Variants in RBPMS observed in about 807,000 individuals in gnomAD.
RBPMS encodes the protein RNA-binding protein with multiple splicing.
Under a neutral mutation model 26.8 loss-of-function variants are expected in RBPMS, and 7 were observed. The observed-to-expected ratio is 0.26, with a 90% confidence interval of 0.15 to 0.49. The LOEUF (loss-of-function observed/expected upper bound fraction) is 0.49. RBPMS is among the 20% of genes least tolerant of loss of function. The pLI, the probability that RBPMS is intolerant of heterozygous loss-of-function variation, is 0.98. For synonymous variants in RBPMS, 96 were observed against 93.3 expected, an observed-to-expected ratio of 1.03 and a Z score of -0.17; for missense variants, 186 against 250.0, an observed-to-expected ratio of 0.74 and a Z score of 1.73.
intron 1 of RBPMS, among the ~76,000 whole-genome samples, chr8:30,387,735 C>T (rs1483296642): frequency 1.3e-5 from 2 of 152,302 alleles, no homozygotes; most frequent in Non-Finnish European, 2.9e-5. Context: ...TGGGCTTTCT[C>T]CACATTGTAG....
chr8:30,473,819 T>C (rs1817397702), intron 1 of RBPMS, among the ~76,000 whole-genome samples: 1 of 152,102 alleles, frequency 6.6e-6, no homozygotes, highest in African/African-American at 2.4e-5. Flanking sequence ...CTATAAGTCA[T>C]CCTCAGCAAA....
intron 6 of RBPMS, among the ~76,000 whole-genome samples, chr8:30,554,418 AAGTCAAAC>A (rs1826663090): frequency 6.6e-6 from 1 of 152,228 alleles, no homozygotes; most frequent in Admixed American, 6.5e-5. Context: ...GGTCTAGATC[AAGTCAAAC>A]AGGTTTCTTT....
In RBPMS at chr8:30,446,037, A is replaced by C. The variant is rs979805189; in HGVS notation, c.67-28742A>C. On this transcript the variant is annotated intron_variant, in intron 1 of 8. Coordinates refer to ENST00000397323, the MANE Select transcript of RBPMS (RefSeq NM_001008710.3). ...ATCAGTGAAGACACCAATATGGTAC[A>C]TGAAAAACAACTTGGAGCATTAAAT... Among the ~76,000 whole-genome samples the C allele has an allele frequency of 2.6e-5, 4 of 152,236 alleles. No homozygotes were observed. The East Asian group carries it at 7.7e-4, about 29-fold the overall frequency.
intron 5 of RBPMS, among the ~76,000 whole-genome samples, chr8:30,512,365 T>A (rs541593647): frequency 6.6e-6 from 1 of 152,300 alleles, no homozygotes; most frequent in South Asian, 2.1e-4. Context: ...TTGGATTTAG[T>A]TTAGATAAAA....
Position 30,571,516 on chromosome 8 carries a change from G to C in RBPMS, c.*991G>C, listed in dbSNP as rs1355269024. The C allele has an allele frequency of 6.6e-6, 1 of 152,272 alleles. No individual in the cohort carries two copies. The highest frequency in any genetic ancestry group is 1.5e-5 in the Non-Finnish European group (1 of 68,076). The allele number at this position is 152,272 out of a possible 1,614,324, so 9.4% of individuals were successfully genotyped here. On this transcript the variant is annotated 3_prime_UTR_variant, in exon 9 of 9. Transcript: ENST00000397323. ...CCCTTGAAGGGGTTGGCTGTGCCCA[G>C]CCCACCTGGCTGCAGTGGGCAGCTC...
chr8:30,567,856 C>T (rs564260147), intron 8 of RBPMS, among the ~76,000 whole-genome samples: 1 of 152,168 alleles, frequency 6.6e-6, no homozygotes, highest in Non-Finnish European at 1.5e-5. Flanking sequence ...GTTCTCAGCA[C>T]CAGTGTGTTA....
chr8:30,446,841 G>GTGTGTA (rs1813882944), intron 1 of RBPMS: 1 of 63,956 alleles, frequency 1.6e-5, no homozygotes, highest in Non-Finnish European at 3.0e-5. Context: ...GTGTGTGTGT[G>GTGTGTA]TGCGCGCGCG....
chr8:30,417,048 G>C (rs1472003382), intron 1 of RBPMS, among the ~76,000 whole-genome samples: 2 of 152,244 alleles, frequency 1.3e-5, no homozygotes, highest in Non-Finnish European at 2.9e-5. Flanking sequence ...TGGGATTACA[G>C]GTGTGAACCA....
intron 1 of RBPMS, among the ~76,000 whole-genome samples, chr8:30,414,188 G>A (rs10110359): frequency 0.016 from 2,398 of 150,714 alleles, 60 homozygotes; most frequent in African/African-American, 0.055. Context: ...CTCAGTGGCT[G>A]TCGCCATTTT....
At chr8:30,472,801 C>T (rs1045857769) in intron 1 of RBPMS, among the ~76,000 whole-genome samples, 2 of 152,230 alleles carry the variant, frequency 1.3e-5, no homozygotes, top group East Asian at 1.9e-4. Context: ...AAAAGCCAGG[C>T]GAGGTGGCTC....
intron 1 of RBPMS, among the ~76,000 whole-genome samples, chr8:30,460,456 C>A (rs1285649488): frequency 7.2e-5 from 11 of 152,154 alleles, no homozygotes; most frequent in Admixed American, 7.2e-4. Context: ...GTAGAGAGCT[C>A]ACCAAAGCCC....
chr8:30,434,699 G>C (rs567464748), intron 1 of RBPMS, among the ~76,000 whole-genome samples: 7 of 133,666 alleles, frequency 5.2e-5, no homozygotes, highest in Non-Finnish European at 1.1e-4. Flanking sequence ...GCGAGACTCT[G>C]CCTCGAAAAA....
At chr8:30,485,583 A>G (rs1818688523) in intron 4 of RBPMS, among the ~76,000 whole-genome samples, 1 of 152,340 alleles carries the variant, frequency 6.6e-6, no homozygotes, top group East Asian at 1.9e-4. Flanking sequence ...GTTGGGAACG[A>G]GGCTTGTGCC....
intron 1 of RBPMS, among the ~76,000 whole-genome samples, chr8:30,438,490 C>T (rs1812722276): frequency 6.6e-6 from 1 of 152,296 alleles, no homozygotes; most frequent in East Asian, 1.9e-4. Context: ...CAAGCAAAAG[C>T]TTAACTGACT....
intron 4 of RBPMS, among the ~76,000 whole-genome samples, chr8:30,500,013 A>C (rs1158260511): frequency 6.6e-6 from 1 of 152,190 alleles, no homozygotes; most frequent in Non-Finnish European, 1.5e-5. Context: ...TTCAGAATAA[A>C]GTTCTTTGTT....
chr8:30,475,871 T>C (rs1817636813), intron 2 of RBPMS, among the ~76,000 whole-genome samples: 1 of 152,104 alleles, frequency 6.6e-6, no homozygotes, highest in Non-Finnish European at 1.5e-5. Flanking sequence ...ACAATAATGA[T>C]GATGGCACAG....
At chr8:30,555,752 G>A (rs376900702) in intron 6 of RBPMS, 1 of 397,492 alleles carries the variant, frequency 2.5e-6, no homozygotes, top group Admixed American at 6.4e-5. Flanking sequence ...GGAACTGTAG[G>A]TTTCCCCGTT....
chr8:30,431,784 T>A (rs1003069488), intron 1 of RBPMS, among the ~76,000 whole-genome samples: 1 of 152,008 alleles, frequency 6.6e-6, no homozygotes, highest in Non-Finnish European at 1.5e-5. Context: ...ATCAGTATAT[T>A]TATTCCTGAT....
chr8:30,533,795 T>C (rs1319456868), intron 5 of RBPMS, among the ~76,000 whole-genome samples: 1 of 152,020 alleles, frequency 6.6e-6, no homozygotes, highest in African/African-American at 2.4e-5. Flanking sequence ...TCAGGTTTTT[T>C]CCCCCCACCA....
Sources: allele counts gnomAD v4.1 joint callset (sites outside exome capture counted in the v4.1 genomes callset), GRCh38; gene constraint gnomAD v4.1.1; transcripts MANE v1.5; gene names NCBI Gene and HGNC (gene_info 2026-07-23, HGNC 2026-07-21).